The following ADAM12 variants were observed in gnomAD, a reference collection of about 807,000 sequenced individuals.
The protein encoded by ADAM12 is ADAM metallopeptidase domain 12.
ADAM12 carries 70 observed loss-of-function variants against 106.4 expected under a neutral mutation model. That is an observed-to-expected ratio of 0.66 (90% CI 0.54 to 0.80). The LOEUF (loss-of-function observed/expected upper bound fraction) is 0.80, where lower values mean the gene tolerates loss of function less well. Among genes scored for constraint, ADAM12 ranks in the 30% least tolerant of loss-of-function variants. The probability of loss-of-function intolerance (pLI) is 0.00; values close to 1 mark genes in which losing one functional copy is unlikely to be tolerated. For missense variants in ADAM12, 1,010 were observed against 1,171.9 expected (o/e 0.86, Z 2.02); for synonymous variants, 420 against 433.5 (o/e 0.97, Z 0.39).
chr10:126,320,946 GTTGT>G (rs1490925715), intron 2 of ADAM12, among the ~76,000 whole-genome samples: 7 of 152,114 alleles, frequency 4.6e-5, no homozygotes, highest in African/African-American at 9.7e-5. Context: ...TTTAAAATAA[GTTGT>G]TTATTTTTTA....
Position 126,014,313 on chromosome 10 carries a change from G to C in ADAM12, c.*2966C>G, listed in dbSNP as rs60587028. 1 of 46,302 alleles carries C rather than the reference G, an allele frequency of 2.2e-5. No individual in the cohort carries two copies. Among genetic ancestry groups the C allele is most frequent in the Non-Finnish European group, 4.2e-5 (1 of 24,032 alleles). 2.9% of individuals were successfully genotyped at this position (46,302 alleles called of 1,614,324 possible). ...GAACATTTTGACACAGTTTTAGCCG[G>C]TTTTTTTTTTTTTTTTTTTTTTTTG... On this transcript the variant is annotated 3_prime_UTR_variant, in exon 23 of 23. Coordinates refer to ENST00000448723, the MANE Select transcript of ADAM12 (RefSeq NM_001288973.2).
chr10:126,309,360 C>T (rs1452108109), intron 2 of ADAM12, among the ~76,000 whole-genome samples: 1 of 152,172 alleles, frequency 6.6e-6, no homozygotes, highest in Non-Finnish European at 1.5e-5. Flanking sequence ...AAATTCCAGT[C>T]TTGGGAACAC....
chr10:126,263,031 T>A (rs1284968094), intron 3 of ADAM12, among the ~76,000 whole-genome samples: 1 of 152,188 alleles, frequency 6.6e-6, no homozygotes, highest in African/African-American at 2.4e-5. Flanking sequence ...CTCAGCACCA[T>A]GTGGAAGGAG....
chr10:126,071,430 CGAGGA>C (rs1565033282), intron 12 of ADAM12, 42 bp downstream of exon 12: 1 of 1,598,694 alleles, frequency 6.3e-7, no homozygotes, highest in South Asian at 1.1e-5. Context: ...TTTGCCTAGC[CGAGGA>C]TACAAGTCTT....
In ADAM12 at chr10:126,155,738, C is replaced by T. The variant is rs537202730; in HGVS notation, c.261-433G>A. Among the ~76,000 whole-genome samples the T allele has an allele frequency of 1.1e-4, 16 of 152,338 alleles. No individual in the cohort carries two copies. The South Asian group carries it at 3.3e-3, about 32-fold the overall frequency. The stretch of plus-strand genomic sequence containing the variant: ...CTGGAATCAATGGTTGAACCACCTG[C>T]TGGGAAAATCATTCTGATCCACAGC... On this transcript the variant is annotated intron_variant, in intron 3 of 22. Coordinates refer to ENST00000448723, the MANE Select transcript of ADAM12 (RefSeq NM_001288973.2).
intron 12 of ADAM12, among the ~76,000 whole-genome samples, chr10:126,070,163 T>C (rs773425685): frequency 2.0e-5 from 3 of 152,200 alleles, no homozygotes; most frequent in Non-Finnish European, 4.4e-5. Context: ...CAACCCATGA[T>C]GGTTTTAAGT....
rs1389846247 is a variant in ADAM12, at chr10:126,043,068, G to C, written c.2076C>G (p.Ser692Arg). ...CTTGCCGGATGGGGCCGCTGTCTGT[G>C]CTTCCTCCAAAGCCAAACTTGTCAC... ...PFCDKFGFGGSTDSGPIRQAD... is the reference protein window; with the variant it reads ...PFCDKFGFGGRTDSGPIRQAD... The change falls in exon 18 of 23, where the codon AGC (serine) becomes AGG (arginine). Residue 692 changes from serine (S) to arginine (R), a missense_variant. Physicochemically the swap from Ser to Arg is moderately radical, Grantham distance 110. Transcript: ENST00000448723. The surrounding 1 kb of genome is among the most constrained non-coding windows in gnomAD (Gnocchi z 4.1). The C allele has an allele frequency of 2.5e-6, 4 of 1,614,166 alleles. No individual in the cohort carries two copies. In the South Asian group the frequency reaches 4.4e-5, roughly 18 times the overall value.
chr10:126,252,019 T>C (rs1958787034), intron 3 of ADAM12, among the ~76,000 whole-genome samples: 1 of 146,286 alleles, frequency 6.8e-6, no homozygotes, highest in Non-Finnish European at 1.5e-5. Context: ...AATGGATGGA[T>C]GGATTGGGTG....
chr10:126,251,905 A>AGGAT (rs1253888610), intron 3 of ADAM12, among the ~76,000 whole-genome samples: 5 of 6,532 alleles, frequency 7.7e-4, no homozygotes, highest in South Asian at 5.3e-3. Flanking sequence ...TGGGATGGAT[A>AGGAT]GGATGGATGG....
intron 3 of ADAM12, among the ~76,000 whole-genome samples, chr10:126,161,858 A>G (rs1565105690): frequency 6.6e-6 from 1 of 152,220 alleles, no homozygotes; most frequent in Non-Finnish European, 1.5e-5. Context: ...TAGATGGACT[A>G]TCTTACGTCA....
chr10:126,190,408 G>C (rs1277907982), intron 3 of ADAM12, among the ~76,000 whole-genome samples: 4 of 152,020 alleles, frequency 2.6e-5, no homozygotes, highest in Non-Finnish European at 5.9e-5. Context: ...GTTTCACCAT[G>C]TTGGCCAGGC....
intron 1 of ADAM12, among the ~76,000 whole-genome samples, chr10:126,337,100 G>A (rs1406306438): frequency 6.6e-6 from 1 of 152,208 alleles, no homozygotes; most frequent in Non-Finnish European, 1.5e-5. Context: ...GGAAGAACTG[G>A]CTCACACAAT....
chr10:126,359,026 C>T lies in ADAM12; in HGVS notation c.89-28517G>A, dbSNP rs111367679. Among the ~76,000 whole-genome samples the T allele has an allele frequency of 2.2e-3, 336 of 152,276 alleles. 2 individuals are homozygous for T. The highest frequency in any genetic ancestry group is 7.7e-3 in the African/African-American group (321 of 41,566). ...TGGTGGAAGGCAAGGAGGAGCAAGT[C>T]ATGTTTTAAATGGATGGCAGCAAGC... is the stretch of plus-strand genomic sequence containing the variant. On this transcript the variant is annotated intron_variant, in intron 1 of 22. Coordinates refer to ENST00000448723, the MANE Select transcript of ADAM12 (RefSeq NM_001288973.2).
At position 126,017,161 on chromosome 10, in the gene ADAM12, A is replaced by G; in HGVS notation, c.*118T>C. On this transcript the variant is annotated 3_prime_UTR_variant, in exon 23 of 23. Coordinates refer to ENST00000448723, the MANE Select transcript of ADAM12 (RefSeq NM_001288973.2). Reference sequence around the variant, plus strand: ...CTGACGGCAGTAGCTCAAAGTTCTTATAGTAATGATGTTTTAAACATTAAA... The same window carrying G: ...CTGACGGCAGTAGCTCAAAGTTCTTGTAGTAATGATGTTTTAAACATTAAA... The G allele has an allele frequency of 1.1e-6, 1 of 900,310 alleles. No individual in the cohort carries two copies. The highest frequency in any genetic ancestry group is 1.7e-5 in the South Asian group (1 of 58,536). The allele number at this position is 900,310 out of a possible 1,614,324, so 55.8% of individuals were successfully genotyped here. A position where few individuals can be genotyped will look rare whatever the true frequency, so the allele number is the denominator to read the frequency against.
intron 6 of ADAM12, among the ~76,000 whole-genome samples, chr10:126,113,489 G>A (rs1955908881): frequency 6.7e-6 from 1 of 149,740 alleles, no homozygotes; most frequent in Admixed American, 6.6e-5. Flanking sequence ...GTAAAACCCT[G>A]TCTCTGCTAA....
intron 1 of ADAM12, among the ~76,000 whole-genome samples, chr10:126,358,306 T>C (rs1298520079): frequency 6.6e-6 from 1 of 152,162 alleles, no homozygotes; most frequent in African/African-American, 2.4e-5. Flanking sequence ...CATGATCAGG[T>C]GGGATTTATC....
At chr10:126,349,835 A>T (rs1388848358) in intron 1 of ADAM12, among the ~76,000 whole-genome samples, 2 of 152,248 alleles carry the variant, frequency 1.3e-5, no homozygotes, top group Non-Finnish European at 2.9e-5. Context: ...TCTGCTAAGC[A>T]GAAAAAGATT....
intron 14 of ADAM12, among the ~76,000 whole-genome samples, chr10:126,060,715 G>A (rs115077330): frequency 0.022 from 3,341 of 152,320 alleles, 127 homozygotes; most frequent in African/African-American, 0.076. Flanking sequence ...AGTCACCTCC[G>A]CTCCCAGGAC....
At chr10:126,262,703 T>G (rs942791912) in intron 3 of ADAM12, among the ~76,000 whole-genome samples, 1 of 152,194 alleles carries the variant, frequency 6.6e-6, no homozygotes, top group Non-Finnish European at 1.5e-5. Flanking sequence ...CCCAGTGCCT[T>G]TCTTCTATCA....
Sources: gnomAD v4.1 joint callset for allele counts (sites outside exome capture counted in the v4.1 genomes callset) on GRCh38, gnomAD v4.1.1 for gene constraint, Gnocchi (gnomAD v3.1) non-coding constraint, MANE v1.5 for transcripts, NCBI Gene and HGNC (gene_info 2026-07-23, HGNC 2026-07-21) for gene names.